Variants in UNC5C observed in about 807,000 individuals in gnomAD.
UNC5C encodes the protein unc-5 netrin receptor C.
Under a neutral mutation model 99.8 loss-of-function variants are expected in UNC5C, and 47 were observed. The ratio of observed to expected loss-of-function variants is 0.47; its 90% CI spans 0.37 to 0.60. The LOEUF (loss-of-function observed/expected upper bound fraction) is 0.60, where lower values mean the gene tolerates loss of function less well. Ranked by LOEUF, UNC5C falls within the 20% of genes least tolerant of loss-of-function variation. UNC5C has a pLI of 0.00. For missense variants in UNC5C, 1,062 were observed against 1,165.9 expected (o/e 0.91, Z 1.30); for synonymous variants, 487 against 452.2 (o/e 1.08, Z -0.98).
intron 1 of UNC5C, among the ~76,000 whole-genome samples, chr4:95,360,576 T>C (rs1047789414): frequency 6.6e-6 from 1 of 152,222 alleles, no homozygotes. Flanking sequence ...CTGTTCCTTA[T>C]GAGCCAGAAA....
At chr4:95,193,974 ACTT>A (rs758361955) in intron 12 of UNC5C, among the ~76,000 whole-genome samples, 13 of 152,010 alleles carry the variant, frequency 8.6e-5, no homozygotes, top group African/African-American at 1.2e-4. Context: ...TGTCTGCCTT[ACTT>A]CTTCCCTAAT....
chr4:95,481,865 G>T (rs1721167405), intron 1 of UNC5C, among the ~76,000 whole-genome samples: 1 of 151,884 alleles, frequency 6.6e-6, no homozygotes, highest in African/African-American at 2.4e-5. Context: ...AATTCAAGAT[G>T]GATTAAAGAC....
intron 1 of UNC5C, among the ~76,000 whole-genome samples, chr4:95,469,841 G>T (rs1747912891): frequency 2.0e-5 from 3 of 152,220 alleles, no homozygotes; most frequent in East Asian, 3.9e-4. Flanking sequence ...TTTTACCGTG[G>T]TACACAATTT....
chr4:95,451,752 C>A (rs939944004), intron 1 of UNC5C, among the ~76,000 whole-genome samples: 4 of 152,042 alleles, frequency 2.6e-5, no homozygotes, highest in African/African-American at 9.7e-5. Flanking sequence ...AGAAAGAATT[C>A]TTTTGATAAA....
At chr4:95,213,461 C>T (rs1738144539) in intron 10 of UNC5C, among the ~76,000 whole-genome samples, 1 of 151,660 alleles carries the variant, frequency 6.6e-6, no homozygotes, top group Non-Finnish European at 1.5e-5. Flanking sequence ...TCTGCACCCT[C>T]TTTGGTCAGA....
chr4:95,303,448 G>A (rs113490166), intron 2 of UNC5C, among the ~76,000 whole-genome samples: 3,780 of 152,350 alleles, frequency 0.025, 148 homozygotes, highest in African/African-American at 0.085. Context: ...GGCCAAGGCA[G>A]GCGGATCACT....
At chr4:95,535,361 A>G (rs1722747508) in intron 1 of UNC5C, among the ~76,000 whole-genome samples, 1 of 152,194 alleles carries the variant, frequency 6.6e-6, no homozygotes, top group South Asian at 2.1e-4. Context: ...AATGGAATGC[A>G]ATTTTGTCAT....
intron 12 of UNC5C, among the ~76,000 whole-genome samples, chr4:95,198,107 C>T (rs889904368): frequency 6.6e-6 from 1 of 151,844 alleles, no homozygotes; most frequent in Admixed American, 6.6e-5. Flanking sequence ...CCCACCTCAG[C>T]CTCCTCAGTA....
chr4:95,267,949 A>ATTTTTTTTTTTT (rs869293955), intron 4 of UNC5C, among the ~76,000 whole-genome samples: 34 of 117,564 alleles, frequency 2.9e-4, no homozygotes, highest in African/African-American at 4.8e-4. Context: ...GAATTTTGTG[A>ATTTTTTTTTTTT]TTTTTTTTTT....
At chr4:95,378,825 A>G (rs1306731867) in intron 1 of UNC5C, among the ~76,000 whole-genome samples, 1 of 152,200 alleles carries the variant, frequency 6.6e-6, no homozygotes, top group Non-Finnish European at 1.5e-5. Flanking sequence ...GGTTATTTAA[A>G]GTTGCTTAGA....
chr4:95,279,796 G>T (rs1191825618), intron 3 of UNC5C, among the ~76,000 whole-genome samples: 1 of 152,092 alleles, frequency 6.6e-6, no homozygotes, highest in Non-Finnish European at 1.5e-5. Context: ...CTAGAGCAGT[G>T]GTCCCTAACC....
intron 3 of UNC5C, among the ~76,000 whole-genome samples, chr4:95,287,793 A>C (rs2865429): frequency 0.25 from 37,884 of 152,178 alleles, 8,391 homozygotes; most frequent in African/African-American, 0.59. Context: ...TTTATCCGAT[A>C]TCATGTCACT....
At chr4:95,170,977 T>A (rs1167565719) in intron 14 of UNC5C, among the ~76,000 whole-genome samples, 1 of 152,242 alleles carries the variant, frequency 6.6e-6, no homozygotes, top group Non-Finnish European at 1.5e-5. Flanking sequence ...CCAATTGCTG[T>A]ATATCCTTAT....
intron 1 of UNC5C, among the ~76,000 whole-genome samples, chr4:95,501,519 A>T (rs1191665465): frequency 6.6e-6 from 1 of 152,168 alleles, no homozygotes; most frequent in Admixed American, 6.6e-5. Flanking sequence ...CAACCTAACA[A>T]ATATGAATAT....
Position 95,531,851 on chromosome 4 carries a change from A to C in UNC5C, c.124+16883T>G, listed in dbSNP as rs140274973. Among the ~76,000 whole-genome samples, 397 of 152,380 alleles carry C rather than the reference A, an allele frequency of 2.6e-3. 3 individuals are homozygous for C. The highest frequency in any genetic ancestry group is 9.2e-3 in the African/African-American group (382 of 41,598). ...TGGAGAAAAATGAAAAATACACCAT[A>C]GGGTGATTTTTGGCACAACAATAAC... On this transcript the variant is annotated intron_variant, in intron 1 of 15. Transcript: ENST00000453304.
intron 7 of UNC5C, among the ~76,000 whole-genome samples, chr4:95,231,378 A>G (rs72672775): frequency 0.076 from 11,526 of 152,272 alleles, 457 homozygotes; most frequent in South Asian, 0.11. Context: ...CAAGTTATGC[A>G]TATGACATAA....
At chr4:95,532,978 G>A (rs1026009942) in intron 1 of UNC5C, among the ~76,000 whole-genome samples, 4 of 152,026 alleles carry the variant, frequency 2.6e-5, no homozygotes, top group African/African-American at 9.6e-5. Context: ...CCTGACTTCA[G>A]TGTGGAGGTT....
intron 4 of UNC5C, among the ~76,000 whole-genome samples, chr4:95,261,043 A>G (rs1051590722): frequency 6.6e-6 from 1 of 152,156 alleles, no homozygotes; most frequent in African/African-American, 2.4e-5. Context: ...GGACCGCCTG[A>G]GCTCTGGACT....
chr4:95,468,193 C>A (rs1267756344), intron 1 of UNC5C, among the ~76,000 whole-genome samples: 1 of 151,558 alleles, frequency 6.6e-6, no homozygotes, highest in African/African-American at 2.4e-5. Context: ...CTTCCTTCCA[C>A]CATTTGCTTT....
Sources: gnomAD v4.1 joint callset for allele counts (sites outside exome capture counted in the v4.1 genomes callset) on GRCh38, gnomAD v4.1.1 for gene constraint, MANE v1.5 for transcripts, NCBI Gene and HGNC (gene_info 2026-07-23, HGNC 2026-07-21) for gene names.